The following ZBTB32 variants were observed in gnomAD, a reference collection of about 807,000 sequenced individuals.
The protein encoded by ZBTB32 is zinc finger and BTB domain containing 32.
A neutral mutation model predicts 45.3 loss-of-function variants in ZBTB32; 28 were observed. That is an observed-to-expected ratio of 0.62 (90% CI 0.46 to 0.85). The LOEUF (loss-of-function observed/expected upper bound fraction) is 0.85. Among genes scored for constraint, ZBTB32 ranks in the 40% least tolerant of loss-of-function variants. The pLI, the probability that ZBTB32 is intolerant of heterozygous loss-of-function variation, is 0.00. For missense variants in ZBTB32, 587 were observed against 624.4 expected (o/e 0.94, Z 0.64); for synonymous variants, 283 against 255.7 (o/e 1.11, Z -1.02).
Position 35,716,513 on chromosome 19 carries a change from C to T in ZBTB32, c.1225C>T (p.Arg409Cys). Residue 409 changes from arginine (R) to cysteine (C), a missense_variant, in exon 7 of 7, where the codon CGC becomes TGC. Coordinates refer to ENST00000392197, the MANE Select transcript of ZBTB32 (RefSeq NM_014383.3). ...CTTCTCCTGTAGCCTTTGTCCTCAG[C>T]GCTCCCGGGACTTCTCGGCCATGAC... ...KPFSCSLCPQ[R>C]SRDFSAMTKH... 6.2e-7 allele frequency: 1 copy of T among 1,610,890 alleles called. No homozygotes were observed. Among genetic ancestry groups the T allele is most frequent in the Non-Finnish European group, 8.5e-7 (1 of 1,178,024 alleles).
At chr19:35,709,439 G>A (rs554297872) in intron 1 of ZBTB32, among the ~76,000 whole-genome samples, 8 of 152,156 alleles carry the variant, frequency 5.3e-5, no homozygotes, top group African/African-American at 1.2e-4. Context: ...TGTTGACATT[G>A]TTACATCAAG....
At chr19:35,713,213 G>A (rs1056818850) in intron 2 of ZBTB32, 180 bp downstream of exon 2, 5 of 152,246 alleles carry the variant, frequency 3.3e-5, no homozygotes, top group African/African-American at 1.2e-4. Context: ...AACGAAGTGA[G>A]GAGACAGGAG....
intron 5 of ZBTB32, 62 bp from the exon 6 acceptor site, chr19:35,716,071 G>A: frequency 6.2e-7 from 1 of 1,611,488 alleles, no homozygotes; most frequent in East Asian, 2.2e-5. Context: ...TGCCTGAATG[G>A]TACAGTGAGT....
chr19:35,713,686 G>C (rs1242813924), intron 2 of ZBTB32: 1 of 152,334 alleles, frequency 6.6e-6, no homozygotes, highest in Non-Finnish European at 1.5e-5. Flanking sequence ...AAAAGCCAAT[G>C]TGGTGGTTTT....
intron 1 of ZBTB32, among the ~76,000 whole-genome samples, chr19:35,706,168 C>T (rs992430736): frequency 2.0e-5 from 3 of 148,010 alleles, no homozygotes; most frequent in African/African-American, 5.0e-5. Context: ...GCGGAGGTTG[C>T]GGTGAGCCGA....
chr19:35,714,546 C>A lies in ZBTB32; in HGVS notation c.-81C>A. 2 of 1,385,072 alleles carry A rather than the reference C, an allele frequency of 1.4e-6. No individual in the cohort carries two copies. Among genetic ancestry groups the A allele is most frequent in the Non-Finnish European group, 1.9e-6 (2 of 1,041,880 alleles). 85.8% of individuals were successfully genotyped at this position (1,385,072 alleles called of 1,614,324 possible). ...AGGCTTGAAATGAGATGAGATGTTC[C>A]TCCCTCCCCTTTCAACCATGGACCT... is the stretch of plus-strand genomic sequence containing the variant. On this transcript the variant is annotated 5_prime_UTR_variant, in exon 3 of 7. Coordinates refer to ENST00000392197, the MANE Select transcript of ZBTB32 (RefSeq NM_014383.3).
chr19:35,709,037 C>T (rs1968620017), intron 1 of ZBTB32, among the ~76,000 whole-genome samples: 1 of 152,114 alleles, frequency 6.6e-6, no homozygotes, highest in African/African-American at 2.4e-5. Context: ...TCAGGCTGGT[C>T]TTGAACTCCC....
intron 1 of ZBTB32, among the ~76,000 whole-genome samples, chr19:35,705,816 C>A (rs1382764213): frequency 1.3e-5 from 2 of 150,940 alleles, no homozygotes; most frequent in Non-Finnish European, 2.9e-5. Flanking sequence ...GAGTCTGAGG[C>A]AGGAGAATCC....
In ZBTB32 at chr19:35,715,330, C is replaced by A. The variant is rs952339099; in HGVS notation, c.704C>A (p.Pro235Gln). 2 of 1,598,800 alleles carry A rather than the reference C, an allele frequency of 1.3e-6. No homozygotes were observed. The highest frequency in any genetic ancestry group is 1.7e-6 in the Non-Finnish European group (2 of 1,173,992). ...CGCAAGCTCCCTGGCCCCCTTCCCC[C>A]AGCAGGCTCCCTGCAAACCAGCGTC... Reference protein sequence around the residue: ...SLRKLPGPLPPAGSLQTSVTP... With the variant: ...SLRKLPGPLPQAGSLQTSVTP... Residue 235 changes from proline (P) to glutamine (Q), a missense_variant, in exon 3 of 7, where the codon CCA becomes CAA. Pro to Gln is a moderately conservative substitution (Grantham distance 76). Transcript: ENST00000392197.
chr19:35,716,467 G>A lies in ZBTB32; in HGVS notation c.1190-11G>A, dbSNP rs938915755. The A allele has an allele frequency of 5.6e-6, 9 of 1,595,798 alleles. No homozygotes were observed. The highest frequency in any genetic ancestry group is 6.9e-6 in the Non-Finnish European group (8 of 1,167,564). Reference sequence around the variant, plus strand: ...CCTTCCTTCACCGGCCTCCCCTTCCGACCGCTCTAGGAGAGAAGCCCTTCT... The same window carrying A: ...CCTTCCTTCACCGGCCTCCCCTTCCAACCGCTCTAGGAGAGAAGCCCTTCT... On this transcript the variant is annotated splice_polypyrimidine_tract_variant and intron_variant, in intron 6 of 6. Coordinates refer to ENST00000392197, the MANE Select transcript of ZBTB32 (RefSeq NM_014383.3).
Position 35,715,954 on chromosome 19 carries a change from G to GC in ZBTB32, c.975dup (p.Ala326ArgfsTer12). On this transcript the variant is annotated frameshift_variant, in exon 5 of 7. Transcript: ENST00000392197. LOFTEE classifies it high-confidence loss of function. ...TTCCTTCCAGGTTCCCTCCCCCAGG[G>GC]CCCCGCACAGCTCAGCCCTGGGGAG... 6.2e-7 allele frequency: 1 copy of GC among 1,613,442 alleles called. No homozygotes were observed. Among genetic ancestry groups the GC allele is most frequent in the Non-Finnish European group, 8.5e-7 (1 of 1,179,860 alleles).
chr19:35,713,281 G>C (rs1210289785), intron 2 of ZBTB32: 1 of 152,260 alleles, frequency 6.6e-6, no homozygotes, highest in Non-Finnish European at 1.5e-5. Context: ...CCTGCAGGCA[G>C]AAGGCAGAGG....
intron 1 of ZBTB32, among the ~76,000 whole-genome samples, chr19:35,709,557 T>C (rs1968633194): frequency 2.0e-5 from 3 of 152,198 alleles, no homozygotes; most frequent in South Asian, 2.1e-4. Flanking sequence ...TAGTGTCCCA[T>C]TGGTCAAGTC....
intron 2 of ZBTB32, among the ~76,000 whole-genome samples, chr19:35,713,928 C>T (rs1014402178): frequency 3.3e-5 from 5 of 152,248 alleles, no homozygotes; most frequent in African/African-American, 1.2e-4. Flanking sequence ...CTGCTCTCCT[C>T]TTTCTCTGGA....
intron 6 of ZBTB32, 77 bp downstream of exon 6, chr19:35,716,374 T>C: frequency 4.4e-6 from 7 of 1,593,766 alleles, no homozygotes; most frequent in Non-Finnish European, 5.1e-6. Context: ...GTGTGCCCGG[T>C]TCCCGCGCAA....
chr19:35,714,270 C>T (rs1968789144), intron 2 of ZBTB32: 1 of 187,002 alleles, frequency 5.3e-6, no homozygotes. Flanking sequence ...CTATCTTTTA[C>T]GTCAGAGACT....
At chr19:35,710,270 C>T (rs149792964) in intron 1 of ZBTB32, among the ~76,000 whole-genome samples, 1 of 152,188 alleles carries the variant, frequency 6.6e-6, no homozygotes, top group African/African-American at 2.4e-5. Flanking sequence ...TATCATATTG[C>T]CTTTTATCAC....
chr19:35,705,682 G>A (rs1458825909), intron 1 of ZBTB32, among the ~76,000 whole-genome samples: 2 of 151,966 alleles, frequency 1.3e-5, no homozygotes, highest in Non-Finnish European at 2.9e-5. Context: ...GGAGGCTGAG[G>A]TGGGTGGATC....
chr19:35,716,225 T>C lies in ZBTB32; in HGVS notation c.1117T>C (p.Tyr373His). ...PPAPPARSRP[Y>H]ACSVCGKRFS... is the part of the protein sequence containing the mutation. The stretch of plus-strand genomic sequence containing the variant: ...GGCCCCTCCTGCTCGGTCTCGGCCC[T>C]ATGCGTGCTCTGTCTGTGGAAAGAG... The change falls in exon 6 of 7, where the codon TAT becomes CAT. Residue 373 changes from tyrosine (Y) to histidine (H), a missense_variant. By Grantham distance (83) the Tyr-to-His change is moderately conservative. Transcript: ENST00000392197. 6.2e-7 allele frequency: 1 copy of C among 1,613,912 alleles called. No homozygotes were observed. The highest frequency in any genetic ancestry group is 8.5e-7 in the Non-Finnish European group (1 of 1,179,964).
Sources: allele counts gnomAD v4.1 joint callset (sites outside exome capture counted in the v4.1 genomes callset), GRCh38; gene constraint gnomAD v4.1.1; transcripts MANE v1.5; gene names NCBI Gene and HGNC (gene_info 2026-07-23, HGNC 2026-07-21).